GUCY2F: variants seen among roughly 807,000 people sequenced by gnomAD.
GUCY2F encodes the protein retinal guanylyl cyclase 2.
A neutral mutation model predicts 73.1 loss-of-function variants in GUCY2F; 61 were observed. The ratio of observed to expected loss-of-function variants is 0.83; its 90% CI spans 0.68 to 1.03. GUCY2F has a LOEUF of 1.03. GUCY2F is among the 50% of genes least tolerant of loss of function. The probability of loss-of-function intolerance (pLI) is 0.00; values close to 1 mark genes in which losing one functional copy is unlikely to be tolerated. For synonymous variants in GUCY2F, 331 were observed against 307.8 expected, an observed-to-expected ratio of 1.08 and a Z score of -0.79; for missense variants, 912 against 854.3, an observed-to-expected ratio of 1.07 and a Z score of -0.84.
At chrX:109,468,088 C>G (rs1395827302) in intron 2 of GUCY2F, among the ~76,000 whole-genome samples, 1 of 111,589 alleles carries the variant, frequency 9.0e-6, no homozygotes, top group Non-Finnish European at 1.9e-5. Context: ...CTGCCCAATC[C>G]TACTGTCTTC....
At chrX:109,462,156 T>C (rs1174788865) in intron 3 of GUCY2F, among the ~76,000 whole-genome samples, 1 of 112,566 alleles carries the variant, frequency 8.9e-6, no homozygotes, top group East Asian at 2.8e-4. Flanking sequence ...ACTCTGACAG[T>C]CACTTTTTAC....
In GUCY2F at chrX:109,452,127, G is replaced by C; in HGVS notation, c.1388-20C>G. Reference sequence around the variant, plus strand: ...CGATGCCTGCAGAGAGTGAGAGGAAGAGGAAGAATGGCATTATCAGAGAGA... The same window carrying C: ...CGATGCCTGCAGAGAGTGAGAGGAACAGGAAGAATGGCATTATCAGAGAGA... On this transcript the variant is annotated intron_variant, in intron 4 of 19. Coordinates refer to ENST00000218006, the MANE Select transcript of GUCY2F (RefSeq NM_001522.3). 1 of 872,814 alleles carries C rather than the reference G, an allele frequency of 1.1e-6. No individual in the cohort carries two copies. The highest frequency in any genetic ancestry group is 1.7e-6 in the Non-Finnish European group (1 of 587,234). The allele number at this position is 872,814 out of a possible 1,213,427, so 71.9% of individuals were successfully genotyped here.
intron 8 of GUCY2F, among the ~76,000 whole-genome samples, chrX:109,421,986 CTG>C (rs1288398514): frequency 9.0e-6 from 1 of 111,581 alleles, no homozygotes; most frequent in African/African-American, 3.2e-5. Context: ...GCACAAGACA[CTG>C]TATCATTCCA....
intron 3 of GUCY2F, among the ~76,000 whole-genome samples, chrX:109,461,413 A>G (rs2147280435): frequency 8.9e-6 from 1 of 112,512 alleles, no homozygotes; most frequent in East Asian, 2.8e-4. Context: ...TTACTTGTTA[A>G]AGAAGCAAGG....
intron 7 of GUCY2F, among the ~76,000 whole-genome samples, chrX:109,433,402 C>T (rs182817564): frequency 1.2e-3 from 132 of 112,309 alleles, no homozygotes; most frequent in Admixed American, 1.8e-3. Flanking sequence ...GGTCAGAAAA[C>T]TAGGTAGTAA....
At chrX:109,415,508 C>T (rs1479126999) in intron 8 of GUCY2F, among the ~76,000 whole-genome samples, 1 of 112,094 alleles carries the variant, frequency 8.9e-6, no homozygotes, top group Non-Finnish European at 1.9e-5. Flanking sequence ...AACAAACATT[C>T]GGTTGGTGTC....
chrX:109,415,999 C>T (rs1444736584), intron 8 of GUCY2F, among the ~76,000 whole-genome samples: 3 of 111,145 alleles, frequency 2.7e-5, no homozygotes, highest in Non-Finnish European at 5.7e-5. Context: ...TGACCGAAAG[C>T]AGAAATGGAG....
chrX:109,431,233 T>C (rs1197663378), intron 7 of GUCY2F, among the ~76,000 whole-genome samples: 1 of 111,861 alleles, frequency 8.9e-6, no homozygotes, highest in Non-Finnish European at 1.9e-5. Flanking sequence ...ATATAGATTC[T>C]TTTTTCTCCA....
intron 10 of GUCY2F, among the ~76,000 whole-genome samples, chrX:109,403,586 T>C (rs1210003733): frequency 8.9e-6 from 1 of 111,769 alleles, no homozygotes; most frequent in Non-Finnish European, 1.9e-5. Flanking sequence ...CACTTACCAA[T>C]CGGAGCTTTC....
At chrX:109,473,528 G>T (rs1311456752) in intron 2 of GUCY2F, among the ~76,000 whole-genome samples, 1 of 111,751 alleles carries the variant, frequency 8.9e-6, no homozygotes, top group African/African-American at 3.3e-5. Context: ...GTGGCGCTGT[G>T]GCACCAGTAT....
intron 2 of GUCY2F, among the ~76,000 whole-genome samples, chrX:109,469,514 GC>G (rs958238660): frequency 9.1e-6 from 1 of 109,880 alleles, no homozygotes; most frequent in African/African-American, 3.3e-5. Flanking sequence ...ATATTTGTGA[GC>G]CATCGATATT....
At position 109,475,335 on chromosome X, in the gene GUCY2F, G is replaced by C; in HGVS notation, c.602C>G (p.Thr201Arg). 8.3e-7 allele frequency: 1 copy of C among 1,211,222 alleles called. No individual in the cohort carries two copies. Among genetic ancestry groups the C allele is most frequent in the Non-Finnish European group, 1.1e-6 (1 of 895,096 alleles). ...AAGAGCACTTGCGACTCGATTGGCT[G>C]TATGCACCCAAATGTCTTCATCTGA... The part of the protein sequence containing the change: ...ISSDEDIWVH[T>R]ANRVASALRS... Residue 201 changes from threonine (T) to arginine (R), a missense_variant, in exon 2 of 20, where the codon ACA (threonine) becomes AGA (arginine). Thr to Arg is a moderately conservative substitution (Grantham distance 71, BLOSUM62 -1). Transcript: ENST00000218006.
intron 10 of GUCY2F, 83 bp from the exon 11 acceptor site, chrX:109,398,781 G>A (rs1930771917): frequency 2.3e-6 from 2 of 866,811 alleles, no homozygotes; most frequent in African/African-American, 2.0e-5. Flanking sequence ...AGAGGGTACT[G>A]TTTTATTGAC....
intron 5 of GUCY2F, among the ~76,000 whole-genome samples, chrX:109,450,413 T>C (rs1421505624): frequency 1.8e-5 from 2 of 111,658 alleles, no homozygotes; most frequent in Non-Finnish European, 3.8e-5. Flanking sequence ...TTGCGGCGGT[T>C]GACAAGTAAC....
chrX:109,422,113 G>A (rs751091532), intron 8 of GUCY2F, among the ~76,000 whole-genome samples: 2 of 111,685 alleles, frequency 1.8e-5, no homozygotes, highest in African/African-American at 6.5e-5. Context: ...TGAACTTTCC[G>A]GTGTAATGAA....
At chrX:109,459,246 A>G in intron 3 of GUCY2F, among the ~76,000 whole-genome samples, 1 of 111,894 alleles carries the variant, frequency 8.9e-6, no homozygotes, top group Non-Finnish European at 1.9e-5. Flanking sequence ...TGCTACAAAC[A>G]TGGCAACTGA....
chrX:109,456,748 G>C (rs771892725), intron 3 of GUCY2F, among the ~76,000 whole-genome samples: 1 of 111,849 alleles, frequency 8.9e-6, no homozygotes, highest in East Asian at 2.8e-4. Flanking sequence ...ATGGTCCACT[G>C]TCACTTCAAG....
At chrX:109,463,726 C>T (rs1932411811) in intron 3 of GUCY2F, among the ~76,000 whole-genome samples, 1 of 111,384 alleles carries the variant, frequency 9.0e-6, no homozygotes, top group African/African-American at 3.3e-5. Flanking sequence ...CGTGAGCCAC[C>T]ATGCCCGGCC....
chrX:109,477,174 A>T (rs1932716162), intron 1 of GUCY2F, among the ~76,000 whole-genome samples: 1 of 111,605 alleles, frequency 9.0e-6, no homozygotes, highest in Non-Finnish European at 1.9e-5. Flanking sequence ...GAGGAATGGG[A>T]TCATCTCCTC....
Sources: gnomAD v4.1 joint callset for allele counts (sites outside exome capture counted in the v4.1 genomes callset) on GRCh38, gnomAD v4.1.1 for gene constraint, MANE v1.5 for transcripts, NCBI Gene and HGNC (gene_info 2026-07-23, HGNC 2026-07-21) for gene names.